Variants in PLCB1 observed in about 807,000 individuals in gnomAD.
PLCB1 encodes the protein phospholipase C beta 1.
In PLCB1, 46 loss-of-function variants were observed where a neutral mutation model predicts 161.8. The observed-to-expected ratio is 0.28, with a 90% CI of 0.22 to 0.36. PLCB1 has a LOEUF of 0.36. Ranked by LOEUF, PLCB1 falls within the 10% of genes least tolerant of loss-of-function variation. The pLI is 1.00. For synonymous variants in PLCB1, 517 were observed against 503.7 expected (o/e 1.03, Z -0.35); for missense variants, 1,016 against 1,472.5 (o/e 0.69, Z 5.07).
chr20:8,260,506 C>T (rs1049851489), intron 2 of PLCB1, among the ~76,000 whole-genome samples: 2 of 152,072 alleles, frequency 1.3e-5, no homozygotes, highest in African/African-American at 4.8e-5. Flanking sequence ...TCTGAGTCCT[C>T]TCTTACACCT....
At chr20:8,512,461 A>G (rs917688721) in intron 3 of PLCB1, among the ~76,000 whole-genome samples, 2 of 152,242 alleles carry the variant, frequency 1.3e-5, no homozygotes, top group Non-Finnish European at 2.9e-5. Context: ...CCCAAAAGTT[A>G]TTCAGAATAT....
intron 3 of PLCB1, among the ~76,000 whole-genome samples, chr20:8,431,542 C>T (rs554061901): frequency 7.3e-4 from 111 of 152,258 alleles, no homozygotes; most frequent in African/African-American, 2.5e-3. Flanking sequence ...AAGGAGTTTG[C>T]TCTAAATTTG....
At chr20:8,376,885 A>G (rs930525784) in intron 3 of PLCB1, among the ~76,000 whole-genome samples, 2 of 151,870 alleles carry the variant, frequency 1.3e-5, no homozygotes, top group South Asian at 2.1e-4. Context: ...CCAAGATCAC[A>G]CCACTGCCCT....
intron 3 of PLCB1, chr20:8,372,064 A>T (rs147073901): frequency 5.9e-5 from 9 of 152,360 alleles, no homozygotes; most frequent in African/African-American, 2.2e-4. Context: ...TTAAGCTTAG[A>T]TGATCTGGTA....
intron 2 of PLCB1, among the ~76,000 whole-genome samples, chr20:8,281,542 A>G (rs1235078699): frequency 2.0e-5 from 3 of 152,150 alleles, no homozygotes; most frequent in Non-Finnish European, 2.9e-5. Context: ...CTAAAGAACA[A>G]CGATCTATAT....
intron 31 of PLCB1, among the ~76,000 whole-genome samples, chr20:8,842,704 T>G (rs1361651307): frequency 6.6e-6 from 1 of 152,150 alleles, no homozygotes; most frequent in East Asian, 1.9e-4. Flanking sequence ...CATGATTGAT[T>G]GAGCAAGCAG....
At chr20:8,878,866 T>C (rs1223189483) in intron 31 of PLCB1, among the ~76,000 whole-genome samples, 1 of 152,072 alleles carries the variant, frequency 6.6e-6, no homozygotes, top group Non-Finnish European at 1.5e-5. Context: ...TATGTATGAG[T>C]ATATTGTGCT....
intron 3 of PLCB1, among the ~76,000 whole-genome samples, chr20:8,474,040 C>T (rs1294255959): frequency 1.3e-5 from 2 of 152,152 alleles, no homozygotes; most frequent in African/African-American, 4.8e-5. Context: ...CTCACTTGAG[C>T]ATGTGTTGTA....
intron 2 of PLCB1, among the ~76,000 whole-genome samples, chr20:8,184,067 T>G (rs1397886632): frequency 3.9e-5 from 6 of 152,138 alleles, no homozygotes; most frequent in South Asian, 2.1e-4. Flanking sequence ...TGAATGAAAT[T>G]AAATAAAATG....
intron 7 of PLCB1, among the ~76,000 whole-genome samples, chr20:8,651,185 C>A (rs1200771118): frequency 1.3e-5 from 2 of 152,056 alleles, no homozygotes; most frequent in Non-Finnish European, 2.9e-5. Flanking sequence ...ATAGGAAGAA[C>A]CTTTGAGCCC....
At chr20:8,484,065 G>T (rs1982618631) in intron 3 of PLCB1, among the ~76,000 whole-genome samples, 1 of 152,072 alleles carries the variant, frequency 6.6e-6, no homozygotes, top group South Asian at 2.1e-4. Flanking sequence ...TGCTCTTGTT[G>T]CCCAGGCTAG....
In PLCB1 at chr20:8,802,168, G is replaced by C. The variant is rs771057383; in HGVS notation, c.3423+11907G>C. 1.2e-5 allele frequency: 19 copies of C among 1,572,064 alleles called. No individual in the cohort carries two copies. In the East Asian group the frequency reaches 2.9e-4, roughly 24 times the overall value. On this transcript the variant is annotated intron_variant, in intron 31 of 31. Coordinates refer to ENST00000338037, the MANE Select transcript of PLCB1 (RefSeq NM_015192.4). ...CTCAAGTGGTGACCACCGTCCTTCC[G>C]GCCAGGTAGGACTGGATGGGAGGGG...
At position 8,716,644 on chromosome 20, in the gene PLCB1, G is replaced by A. The variant is rs1007112293; in HGVS notation, c.1335+296G>A. Among the ~76,000 whole-genome samples, 8 of 152,282 alleles carry A rather than the reference G, an allele frequency of 5.3e-5. No homozygotes were observed. In the East Asian group the frequency reaches 5.8e-4, roughly 11 times the overall value. ...CCATAGAGACAGTCCAAGAGGACAG[G>A]CCTCTGCTCACTCCCAGGGAACCTC... On this transcript the variant is annotated intron_variant, in intron 13 of 31. Coordinates refer to ENST00000338037, the MANE Select transcript of PLCB1 (RefSeq NM_015192.4).
At chr20:8,643,010 T>C (rs1221859773) in intron 4 of PLCB1, among the ~76,000 whole-genome samples, 1 of 152,246 alleles carries the variant, frequency 6.6e-6, no homozygotes, top group Non-Finnish European at 1.5e-5. Flanking sequence ...TGATTTTTAA[T>C]TTGTTAGATA....
chr20:8,783,595 T>A (rs1983341813), intron 27 of PLCB1, among the ~76,000 whole-genome samples: 2 of 152,202 alleles, frequency 1.3e-5, no homozygotes, highest in African/African-American at 4.8e-5. Flanking sequence ...GCCACAGAAT[T>A]CCATGCTGGA....
At chr20:8,381,586 G>A (rs1382314363) in intron 3 of PLCB1, among the ~76,000 whole-genome samples, 1 of 151,304 alleles carries the variant, frequency 6.6e-6, no homozygotes, top group East Asian at 1.9e-4. Context: ...GCTTTTTTTG[G>A]TTGGTAGGCT....
At chr20:8,662,240 T>G (rs1333679175) in intron 9 of PLCB1, among the ~76,000 whole-genome samples, 1 of 111,422 alleles carries the variant, frequency 9.0e-6, no homozygotes, top group African/African-American at 3.6e-5. Flanking sequence ...CTATATATAA[T>G]TATTTATTAT....
intron 3 of PLCB1, among the ~76,000 whole-genome samples, chr20:8,481,572 A>G (rs971363837): frequency 1.3e-5 from 2 of 152,194 alleles, no homozygotes; most frequent in Non-Finnish European, 2.9e-5. Flanking sequence ...CCTTGGCTGT[A>G]TATTTTAGTT....
intron 2 of PLCB1, among the ~76,000 whole-genome samples, chr20:8,205,989 TA>T (rs959380176): frequency 5.3e-5 from 8 of 152,176 alleles, no homozygotes; most frequent in Non-Finnish European, 7.4e-5. Context: ...AATTATAGTT[TA>T]TTTTTTCCAA....
Sources: allele counts gnomAD v4.1 joint callset (sites outside exome capture counted in the v4.1 genomes callset), GRCh38; gene constraint gnomAD v4.1.1; transcripts MANE v1.5; gene names NCBI Gene and HGNC (gene_info 2026-07-23, HGNC 2026-07-21).